PRKCI: variants seen among roughly 807,000 people sequenced by gnomAD.
PRKCI encodes the protein protein kinase C iota, also known as protein kinase C iota type.
In PRKCI, 43 loss-of-function variants were observed where a neutral mutation model predicts 84.0. That is an observed-to-expected ratio of 0.51 (90% CI 0.40 to 0.66). The LOEUF (loss-of-function observed/expected upper bound fraction) is 0.66, where lower values mean the gene tolerates loss of function less well. Among genes scored for constraint, PRKCI ranks in the 30% least tolerant of loss-of-function variants. The pLI, the probability that PRKCI is intolerant of heterozygous loss-of-function variation, is 0.00. For missense variants in PRKCI, 459 were observed against 745.6 expected, an observed-to-expected ratio of 0.62 and a Z score of 4.48; for synonymous variants, 216 against 234.4, an observed-to-expected ratio of 0.92 and a Z score of 0.72.
At chr3:170,259,381 A>C (rs1733667023) in intron 2 of PRKCI, among the ~76,000 whole-genome samples, 1 of 152,140 alleles carries the variant, frequency 6.6e-6, no homozygotes, top group Non-Finnish European at 1.5e-5. Context: ...ACCAAAAAAG[A>C]AAACCAAAGA....
At chr3:170,276,471 AT>A (rs200368741) in intron 8 of PRKCI, among the ~76,000 whole-genome samples, 1 of 135,030 alleles carries the variant, frequency 7.4e-6, no homozygotes, top group African/African-American at 2.8e-5. Context: ...TTTTCTTTTT[AT>A]TTTTTTTGTG....
chr3:170,264,706 G>C, intron 4 of PRKCI, among the ~76,000 whole-genome samples: 1 of 152,170 alleles, frequency 6.6e-6, no homozygotes, highest in Non-Finnish European at 1.5e-5. Flanking sequence ...ACAGTGGAAC[G>C]GTGATTCTTA....
Position 170,295,201 on chromosome 3 carries a change from ACT to A in PRKCI, c.1418-707_1418-706del, listed in dbSNP as rs1734661550. ...ACTCCAGTCTGGGCAAGACAGTGACACTCTGTCTCAAAAAAAAAAGAAAAAAG... is the reference window on the plus strand; with the variant it reads ...ACTCCAGTCTGGGCAAGACAGTGACACTGTCTCAAAAAAAAAAGAAAAAAG... On this transcript the variant is annotated intron_variant, in intron 14 of 17. Coordinates refer to ENST00000295797, the MANE Select transcript of PRKCI (RefSeq NM_002740.6). 4.0e-5 allele frequency among the ~76,000 whole-genome samples: 6 copies of A among 149,958 alleles called. No homozygotes were observed. In the Admixed American group the frequency reaches 4.0e-4, roughly 10 times the overall value.
At chr3:170,228,846 A>G (rs374714829) in intron 1 of PRKCI, among the ~76,000 whole-genome samples, 104 of 152,194 alleles carry the variant, frequency 6.8e-4, no homozygotes, top group African/African-American at 2.4e-3. Context: ...AATTACCTGT[A>G]CCCGATAGGT....
chr3:170,250,170 G>A (rs1225556477), intron 2 of PRKCI, among the ~76,000 whole-genome samples: 3 of 151,916 alleles, frequency 2.0e-5, no homozygotes, highest in Non-Finnish European at 2.9e-5. Flanking sequence ...CTACTAGGGA[G>A]GTTGAGGCAG....
intron 2 of PRKCI, among the ~76,000 whole-genome samples, chr3:170,252,470 CATTT>C (rs774130011): frequency 2.1e-4 from 32 of 152,146 alleles, no homozygotes; most frequent in Non-Finnish European, 4.0e-4. Flanking sequence ...AAGCATTTAT[CATTT>C]ATTTGTGTTA....
chr3:170,299,789 TC>T (rs1357402347), intron 17 of PRKCI, among the ~76,000 whole-genome samples: 4 of 152,178 alleles, frequency 2.6e-5, no homozygotes, highest in Non-Finnish European at 5.9e-5. Context: ...CTGTGCTCTT[TC>T]TACCACGCTG....
At chr3:170,281,992 G>A in intron 11 of PRKCI, 24 bp downstream of exon 11, 1 of 1,604,282 alleles carries the variant, frequency 6.2e-7, no homozygotes, top group Non-Finnish European at 8.5e-7. Flanking sequence ...TACTGTTTGT[G>A]TTGTTTTCTT....
Position 170,222,483 on chromosome 3 carries a change from G to A in PRKCI, c.-187G>A, listed in dbSNP as rs1732510286. 2.1e-6 allele frequency: 1 copy of A among 484,582 alleles called. No individual in the cohort carries two copies. The allele number at this position is 484,582 out of a possible 1,614,324, so 30.0% of individuals were successfully genotyped here. On this transcript the variant is annotated 5_prime_UTR_variant, in exon 1 of 18. Coordinates refer to ENST00000295797, the MANE Select transcript of PRKCI (RefSeq NM_002740.6). Reference sequence around the variant, plus strand: ...GAGGCGGCGGCGCCTACGGGCAGTGGGAGGAGCCGCGCGGTTCCGGCTGCT... The same window carrying A: ...GAGGCGGCGGCGCCTACGGGCAGTGAGAGGAGCCGCGCGGTTCCGGCTGCT...
chr3:170,234,254 C>A (rs1363662202), intron 1 of PRKCI, among the ~76,000 whole-genome samples: 1 of 151,808 alleles, frequency 6.6e-6, no homozygotes, highest in Admixed American at 6.6e-5. Flanking sequence ...TGGTCTCGAA[C>A]TCCCAACCTC....
intron 6 of PRKCI, among the ~76,000 whole-genome samples, chr3:170,272,037 G>A (rs1408205179): frequency 6.6e-6 from 1 of 152,080 alleles, no homozygotes; most frequent in African/African-American, 2.4e-5. Flanking sequence ...TTTTTGCCAC[G>A]TTGGCCAGGC....
chr3:170,303,209 C>A lies in PRKCI; in HGVS notation c.*82C>A, dbSNP rs902338303. On this transcript the variant is annotated 3_prime_UTR_variant, in exon 18 of 18. Transcript: ENST00000295797. ...TTGCTGCAAGCCTGGATACAATTAA[C>A]CATTTTATATTTGCCACCTACAAAA... is the stretch of plus-strand genomic sequence containing the variant. The A allele has an allele frequency of 2.0e-5, 21 of 1,042,224 alleles. No homozygotes were observed. Among genetic ancestry groups the A allele is most frequent in the South Asian group, 5.0e-5 (3 of 59,830 alleles). 64.6% of individuals were successfully genotyped at this position (1,042,224 alleles called of 1,614,324 possible).
At position 170,267,966 on chromosome 3, in the gene PRKCI, A is replaced by G. The variant is rs373086682; in HGVS notation, c.416A>G (p.Asn139Ser). Residue 139 changes from asparagine to serine, a missense_variant, in exon 5 of 18, where the codon AAT becomes AGT. By Grantham distance (46) the Asn-to-Ser change is conservative. Around this residue, in one of 2 missense-constraint regions of PRKCI, gnomAD observed 250 missense variants for 319.7 expected, o/e 0.78. Transcript: ENST00000295797. ...CGCTGGAGAAAGCTTTATTGTGCCA[A>G]TGGCCACACTTTCCAAGCCAAGCGT... The part of the protein sequence containing the change: ...ARRWRKLYCA[N>S]GHTFQAKRFN... The G allele has an allele frequency of 1.4e-5, 22 of 1,613,112 alleles. No individual in the cohort carries two copies. Among genetic ancestry groups the G allele is most frequent in the African/African-American group, 1.3e-4 (10 of 75,012 alleles).
chr3:170,234,322 C>T (rs926945885), intron 1 of PRKCI, among the ~76,000 whole-genome samples: 63 of 152,066 alleles, frequency 4.1e-4, no homozygotes, highest in African/African-American at 1.2e-3. Flanking sequence ...TGAGCCACCA[C>T]GCCCAGCCTT....
intron 2 of PRKCI, among the ~76,000 whole-genome samples, chr3:170,245,386 T>A (rs1180663226): frequency 6.6e-6 from 1 of 152,182 alleles, no homozygotes; most frequent in Non-Finnish European, 1.5e-5. Flanking sequence ...GACGCTCGAT[T>A]GGTCTCCACA....
chr3:170,288,695 T>G (rs1386588265), intron 12 of PRKCI, among the ~76,000 whole-genome samples: 1 of 152,054 alleles, frequency 6.6e-6, no homozygotes, highest in Non-Finnish European at 1.5e-5. Flanking sequence ...GAGATTGCAG[T>G]GAGCTAAGAT....
intron 14 of PRKCI, among the ~76,000 whole-genome samples, 154 bp from the exon 15 acceptor site, chr3:170,295,757 A>G (rs1170776310): frequency 6.6e-6 from 1 of 151,760 alleles, no homozygotes; most frequent in African/African-American, 2.4e-5. Context: ...AGGTGGAAGG[A>G]TTGCTTAAGC....
Position 170,303,188 on chromosome 3 carries a change from T to C in PRKCI, c.*61T>C, listed in dbSNP as rs187988898. On this transcript the variant is annotated 3_prime_UTR_variant, in exon 18 of 18. Coordinates refer to ENST00000295797, the MANE Select transcript of PRKCI (RefSeq NM_002740.6). ...CCATTTAATGCATGGATAAACTTGC[T>C]GCAAGCCTGGATACAATTAACCATT... The C allele has an allele frequency of 4.2e-4, 547 of 1,316,850 alleles. 5 individuals carry two copies. The Admixed American group carries it at 0.011, about 26-fold the overall frequency. The allele number at this position is 1,316,850 out of a possible 1,614,324, so 81.6% of individuals were successfully genotyped here.
chr3:170,262,749 G>C (rs553420362), intron 3 of PRKCI, among the ~76,000 whole-genome samples: 1 of 151,882 alleles, frequency 6.6e-6, no homozygotes. Context: ...AGAGTGCTGA[G>C]ATTAGAGGCG....
Sources: allele counts gnomAD v4.1 joint callset (sites outside exome capture counted in the v4.1 genomes callset), GRCh38; gene constraint gnomAD v4.1.1; regional missense constraint gnomAD v4.1.1; transcripts MANE v1.5; gene names NCBI Gene and HGNC (gene_info 2026-07-23, HGNC 2026-07-21).